The following WWOX variants were observed in gnomAD, a reference collection of about 807,000 sequenced individuals.
WWOX encodes the protein WW domain containing oxidoreductase, also known as WW domain-containing oxidoreductase.
A neutral mutation model predicts 46.2 loss-of-function variants in WWOX; 69 were observed. The observed-to-expected ratio is 1.49, with a 90% CI of 1.23 to 1.82. The LOEUF (loss-of-function observed/expected upper bound fraction) is 1.82, where lower values mean the gene tolerates loss of function less well. Among genes scored for constraint, WWOX ranks in the 40% most tolerant of loss-of-function variants. The pLI, the probability that WWOX is intolerant of heterozygous loss-of-function variation, is 0.00. For synonymous variants in WWOX, 359 were observed against 202.6 expected (o/e 1.77, Z -6.56); for missense variants, 919 against 542.6 (o/e 1.69, Z -6.89).
intron 8 of WWOX, among the ~76,000 whole-genome samples, chr16:78,944,944 C>A (rs144472053): frequency 5.3e-5 from 8 of 152,136 alleles, no homozygotes; most frequent in African/African-American, 1.4e-4. Flanking sequence ...TTTCAGAGGC[C>A]GAGGCAGGGA....
intron 8 of WWOX, among the ~76,000 whole-genome samples, chr16:79,069,883 A>T (rs2048515968): frequency 6.6e-6 from 1 of 152,164 alleles, no homozygotes; most frequent in African/African-American, 2.4e-5. Context: ...CTCATTGAAA[A>T]ACACCTTGTT....
intron 8 of WWOX, among the ~76,000 whole-genome samples, chr16:78,856,565 C>T (rs1221846647): frequency 6.6e-6 from 1 of 152,122 alleles, no homozygotes; most frequent in Non-Finnish European, 1.5e-5. Flanking sequence ...ATCCCTTGAA[C>T]CCAGGAGGCA....
At position 78,521,480 on chromosome 16, in the gene WWOX, C is replaced by T. The variant is rs117498795; in HGVS notation, c.1056+88728C>T. Among the ~76,000 whole-genome samples, 1,509 of 152,294 alleles carry T rather than the reference C, an allele frequency of 9.9e-3. 9 individuals are homozygous for T. The highest frequency in any genetic ancestry group is 0.018 in the Non-Finnish European group (1,234 of 68,032). On this transcript the variant is annotated intron_variant, in intron 8 of 8. Coordinates refer to ENST00000566780, the MANE Select transcript of WWOX (RefSeq NM_016373.4). Reference sequence around the variant, plus strand: ...GACAAGGCTCAAGTTCATATTCCAACGCCAGTACCTGCCACCTGTGTGAAG... The same window carrying T: ...GACAAGGCTCAAGTTCATATTCCAATGCCAGTACCTGCCACCTGTGTGAAG...
intron 8 of WWOX, among the ~76,000 whole-genome samples, chr16:79,046,512 C>G (rs551798205): frequency 4.6e-5 from 7 of 152,288 alleles, no homozygotes; most frequent in East Asian, 1.9e-4. Context: ...GGCTGGGCTC[C>G]TGATTCATAG....
intron 6 of WWOX, among the ~76,000 whole-genome samples, chr16:78,413,325 G>A (rs548797587): frequency 2.6e-5 from 4 of 152,300 alleles, no homozygotes; most frequent in African/African-American, 7.2e-5. Context: ...TGAACAACAA[G>A]GCTGTTTATT....
chr16:78,970,745 C>T (rs1006177481), intron 8 of WWOX, among the ~76,000 whole-genome samples: 1 of 151,940 alleles, frequency 6.6e-6, no homozygotes, highest in Non-Finnish European at 1.5e-5. Flanking sequence ...TGTACCTCCC[C>T]TCCTTCTTCC....
chr16:78,616,480 G>A (rs569195994), intron 8 of WWOX, among the ~76,000 whole-genome samples: 4 of 151,462 alleles, frequency 2.6e-5, no homozygotes, highest in Non-Finnish European at 4.4e-5. Flanking sequence ...GGGCACTAAT[G>A]GCCAGGAGTG....
At chr16:78,572,692 C>G (rs2044747615) in intron 8 of WWOX, among the ~76,000 whole-genome samples, 1 of 148,602 alleles carries the variant, frequency 6.7e-6, no homozygotes, top group Non-Finnish European at 1.5e-5. Flanking sequence ...ATAGGCAAAG[C>G]TAAACATTCA....
intron 8 of WWOX, among the ~76,000 whole-genome samples, chr16:78,488,302 T>A (rs1244572345): frequency 6.6e-6 from 1 of 152,130 alleles, no homozygotes; most frequent in Non-Finnish European, 1.5e-5. Context: ...CCAAGTCCTG[T>A]CTCAGCAGTG....
rs191100247 is a variant in WWOX, at chr16:78,613,477, T to C, written c.1056+180725T>C. 3.1e-3 allele frequency among the ~76,000 whole-genome samples: 473 copies of C among 152,294 alleles called. 2 individuals carry two copies. Among genetic ancestry groups the C allele is most frequent in the African/African-American group, 0.011 (449 of 41,562 alleles). On this transcript the variant is annotated intron_variant, in intron 8 of 8. Transcript: ENST00000566780. ...CCTACCTCTGGCAGAATCGCTGTCC[T>C]GCCAGTTTCCTCTCCCCCTTACAAG...
intron 6 of WWOX, among the ~76,000 whole-genome samples, chr16:78,401,304 A>G (rs2038437670): frequency 2.0e-5 from 3 of 152,248 alleles, no homozygotes; most frequent in Admixed American, 2.0e-4. Context: ...TATTTTAAGA[A>G]AAGCCAAGTT....
At chr16:78,226,766 C>T (rs779106816) in intron 5 of WWOX, among the ~76,000 whole-genome samples, 1 of 152,034 alleles carries the variant, frequency 6.6e-6, no homozygotes, top group Non-Finnish European at 1.5e-5. Flanking sequence ...CACACTATTA[C>T]AGGTGCATGA....
Position 79,136,236 on chromosome 16 carries a change from T to C in WWOX, c.1057-75372T>C, listed in dbSNP as rs530260601. On this transcript the variant is annotated intron_variant, in intron 8 of 8. Transcript: ENST00000566780. ...CTGGCATACTGATGTCACTTCTTCTTTTTTTTTTTTTTTAAGACGGAGTCT... is the reference window on the plus strand; with the variant it reads ...CTGGCATACTGATGTCACTTCTTCTCTTTTTTTTTTTTTAAGACGGAGTCT... Among the ~76,000 whole-genome samples, 8 of 137,360 alleles carry C rather than the reference T, an allele frequency of 5.8e-5. No individual in the cohort carries two copies. In the East Asian group the frequency reaches 1.4e-3, roughly 24 times the overall value. The allele number at this position is 137,360 out of a possible 152,430, so 90.1% of individuals were successfully genotyped here.
intron 8 of WWOX, among the ~76,000 whole-genome samples, chr16:79,165,110 G>A (rs1286809972): frequency 6.6e-6 from 1 of 150,434 alleles, no homozygotes; most frequent in Admixed American, 6.6e-5. Flanking sequence ...CTTTCCTAGG[G>A]TAAACTTGAT....
chr16:78,405,333 A>G (rs1455876184), intron 6 of WWOX, among the ~76,000 whole-genome samples: 2 of 152,168 alleles, frequency 1.3e-5, no homozygotes, highest in Non-Finnish European at 2.9e-5. Flanking sequence ...AAAAAAATTA[A>G]TTAAATGTGG....
chr16:78,544,774 C>G (rs2043985595), intron 8 of WWOX, among the ~76,000 whole-genome samples: 1 of 151,966 alleles, frequency 6.6e-6, no homozygotes. Context: ...ACTCAGGAGA[C>G]TGCGGTAGGG....
intron 8 of WWOX, among the ~76,000 whole-genome samples, chr16:78,847,375 T>A (rs1471579864): frequency 6.6e-6 from 1 of 152,230 alleles, no homozygotes; most frequent in Non-Finnish European, 1.5e-5. Flanking sequence ...CACATTCCAT[T>A]ATTTGTTCAT....
chr16:78,411,243 C>T (rs1156790955), intron 6 of WWOX, among the ~76,000 whole-genome samples: 1 of 152,166 alleles, frequency 6.6e-6, no homozygotes, highest in Non-Finnish European at 1.5e-5. Flanking sequence ...CTGCCTAGGA[C>T]AGTGCGTTTG....
chr16:78,831,253 C>G (rs1233543374), intron 8 of WWOX, among the ~76,000 whole-genome samples: 6 of 152,198 alleles, frequency 3.9e-5, no homozygotes, highest in Admixed American at 2.0e-4. Flanking sequence ...CCTTTATAAG[C>G]TGTGTCTTAG....
Sources: allele counts gnomAD v4.1 joint callset (sites outside exome capture counted in the v4.1 genomes callset), GRCh38; gene constraint gnomAD v4.1.1; transcripts MANE v1.5; gene names NCBI Gene and HGNC (gene_info 2026-07-23, HGNC 2026-07-21).